The following GRM4 variants were observed in gnomAD, a reference collection of about 807,000 sequenced individuals.
GRM4 encodes metabotropic glutamate receptor 4.
Under a neutral mutation model 81.7 loss-of-function variants are expected in GRM4, and 28 were observed. The observed-to-expected ratio is 0.34, with a 90% confidence interval of 0.25 to 0.47. The LOEUF is 0.47. GRM4 is among the 20% of genes least tolerant of loss of function. GRM4 has a pLI of 1.00. For synonymous variants in GRM4, 488 were observed against 528.8 expected (o/e 0.92, Z 1.06); for missense variants, 948 against 1,290.0 (o/e 0.73, Z 4.06).
At chr6:34,024,689 G>A in intron 10 of GRM4, 1 of 455,932 alleles carries the variant, frequency 2.2e-6, no homozygotes, top group South Asian at 1.5e-5. Context: ...CCAGAGTTGG[G>A]TGGAGTCAGT....
intron 3 of GRM4, among the ~76,000 whole-genome samples, chr6:34,072,616 ACAT>A (rs1268834451): frequency 3.9e-4 from 2 of 5,180 alleles, no homozygotes; most frequent in Non-Finnish European, 1.7e-3. Context: ...ACACACACAC[ACAT>A]CACCGCATAG....
chr6:34,043,855 C>T (rs1432563670), intron 6 of GRM4, among the ~76,000 whole-genome samples: 3 of 152,160 alleles, frequency 2.0e-5, no homozygotes, highest in Non-Finnish European at 4.4e-5. Context: ...TGCTAGGCCT[C>T]GGGTGCTGCC....
chr6:34,064,081 T>G lies in GRM4; in HGVS notation c.737-2053A>C, dbSNP rs1766317062. Among the ~76,000 whole-genome samples, 1 of 152,080 alleles carries G rather than the reference T, an allele frequency of 6.6e-6. No homozygotes were observed. Among genetic ancestry groups the G allele is most frequent in the Non-Finnish European group, 1.5e-5 (1 of 68,026 alleles). On this transcript the variant is annotated intron_variant, in intron 3 of 10. Transcript: ENST00000538487. The surrounding 1 kb of genome is among the most constrained non-coding windows in gnomAD (Gnocchi z 4.4). ...TTCGTTTTGCTGGTGAAGGAAGGAT[T>G]AGGTGACCACGGCTCAGTCAGCGGG...
rs964317745 is a variant in GRM4 at position 34,019,992 on chromosome 6, G to T, written c.*2829C>A. On this transcript the variant is annotated 3_prime_UTR_variant, in exon 11 of 11. Coordinates refer to ENST00000538487, the MANE Select transcript of GRM4 (RefSeq NM_000841.4). Reference sequence around the variant, plus strand: ...CCCAACTGCTGCAGCAGGTCTAGCTGGCAAAAGTCTTGCTAGGGCCTGGTT... The same window carrying T: ...CCCAACTGCTGCAGCAGGTCTAGCTTGCAAAAGTCTTGCTAGGGCCTGGTT... 2 of 152,314 alleles carry T rather than the reference G, an allele frequency of 1.3e-5. No individual in the cohort carries two copies. The highest frequency in any genetic ancestry group is 4.8e-5 in the African/African-American group (2 of 41,426). The allele number at this position is 152,314 out of a possible 1,614,324, so 9.4% of individuals were successfully genotyped here.
chr6:34,144,162 CG>C lies in GRM4; in HGVS notation c.-364+1837del, dbSNP rs371544274. 2.5e-3 allele frequency among the ~76,000 whole-genome samples: 379 copies of C among 152,318 alleles called. 2 individuals are homozygous for C. Among genetic ancestry groups the C allele is most frequent in the African/African-American group, 8.6e-3 (356 of 41,576 alleles). On this transcript the variant is annotated intron_variant, in intron 1 of 10. Coordinates refer to ENST00000538487, the MANE Select transcript of GRM4 (RefSeq NM_000841.4). Reference sequence around the variant, plus strand: ...TAGGGGCAGGGGGCGCTCGTACGTTCGGGCCTCAGGACTCCCTGCCGCCGCC... The same window carrying C: ...TAGGGGCAGGGGGCGCTCGTACGTTCGGCCTCAGGACTCCCTGCCGCCGCC...
chr6:34,132,846 G>A (rs1009431433), intron 2 of GRM4, 132 bp downstream of exon 2: 10 of 689,720 alleles, frequency 1.4e-5, no homozygotes, highest in Non-Finnish European at 2.4e-5. Flanking sequence ...CTGCTCTGAG[G>A]AAAAAACTGT....
chr6:34,065,718 G>T (rs1240327128), intron 3 of GRM4, among the ~76,000 whole-genome samples: 1 of 152,204 alleles, frequency 6.6e-6, no homozygotes, highest in African/African-American at 2.4e-5. Flanking sequence ...CCGGCCAGGG[G>T]CAGGAAGCCA....
chr6:34,054,640 A>G (rs1446612619), intron 6 of GRM4: 1 of 152,234 alleles, frequency 6.6e-6, no homozygotes, highest in African/African-American at 2.4e-5. Context: ...TGTCCCTCTC[A>G]AAGAGAAGAT....
chr6:34,148,874 G>A (rs547159516), upstream of GRM4, among the ~76,000 whole-genome samples: 3 of 152,304 alleles, frequency 2.0e-5, no homozygotes, highest in African/African-American at 7.2e-5. Flanking sequence ...GAGTAAGCAG[G>A]GAGTGATGCT....
intron 1 of GRM4, among the ~76,000 whole-genome samples, chr6:34,143,810 T>A (rs1406147844): frequency 6.6e-6 from 1 of 152,148 alleles, no homozygotes; most frequent in African/African-American, 2.4e-5. Flanking sequence ...GTGCTCCGTA[T>A]GGAGACCCTG....
chr6:34,058,752 G>C (rs1766026788), intron 5 of GRM4, among the ~76,000 whole-genome samples: 1 of 152,224 alleles, frequency 6.6e-6, no homozygotes, highest in Non-Finnish European at 1.5e-5. Context: ...TGTCTGAGAA[G>C]AGAGGAGGGA....
chr6:34,106,207 G>A (rs966928628), intron 2 of GRM4, among the ~76,000 whole-genome samples: 4 of 152,118 alleles, frequency 2.6e-5, no homozygotes, highest in South Asian at 4.1e-4. Context: ...CTGAGGTTAG[G>A]AGTTTGAGAC....
At chr6:34,128,002 G>A (rs553391318) in intron 2 of GRM4, among the ~76,000 whole-genome samples, 1 of 152,322 alleles carries the variant, frequency 6.6e-6, no homozygotes, top group Non-Finnish European at 1.5e-5. Flanking sequence ...ATGGGACGAG[G>A]GGAGGGAACT....
At position 34,078,670 on chromosome 6, in the gene GRM4, G is replaced by A. The variant is rs144246784; in HGVS notation, c.736+13213C>T. On this transcript the variant is annotated intron_variant, in intron 3 of 10. Coordinates refer to ENST00000538487, the MANE Select transcript of GRM4 (RefSeq NM_000841.4). This position sits in a 1 kb window ranked among gnomAD's most constrained non-coding sequence, Gnocchi z 4.8. ...ACTGTCCCCTGTCCCGCACCCCTCC[G>A]CAGCCCCTACTGCGTGGCCCTCTGT... 2.3e-3 allele frequency among the ~76,000 whole-genome samples: 355 copies of A among 152,026 alleles called. 2 individuals are homozygous for A. The Middle Eastern group carries it at 0.024, about 10-fold the overall frequency.
intron 1 of GRM4, among the ~76,000 whole-genome samples, 181 bp from the exon 2 acceptor site, chr6:34,134,040 G>C (rs921930128): frequency 9.2e-5 from 14 of 152,188 alleles, no homozygotes; most frequent in African/African-American, 3.4e-4. Context: ...AAATGGGAGA[G>C]TGTATGGCAG....
chr6:34,056,298 C>A, intron 6 of GRM4: 1 of 533,848 alleles, frequency 1.9e-6, no homozygotes, highest in Non-Finnish European at 3.4e-6. Context: ...CACATCAACC[C>A]CGAGGCGGCC....
Position 34,080,867 on chromosome 6 carries a change from CATAT to C in GRM4, c.736+11012_736+11015del, listed in dbSNP as rs57493257. ...ACACATACACACACACATACACATA[CATAT>C]ACACACACACACACACACAACCCTT... On this transcript the variant is annotated intron_variant, in intron 3 of 10. Transcript: ENST00000538487. This position sits in a 1 kb window ranked among gnomAD's most constrained non-coding sequence, Gnocchi z 5.4. 0.2 allele frequency among the ~76,000 whole-genome samples: 24,920 copies of C among 121,916 alleles called. 2,642 individuals are homozygous for C. Among genetic ancestry groups the C allele is most frequent in the African/African-American group, 0.34 (12,100 of 35,140 alleles). 80.0% of individuals were successfully genotyped at this position (121,916 alleles called of 152,430 possible). A position where few individuals can be genotyped will look rare whatever the true frequency, so the allele number is the denominator to read the frequency against.
At chr6:34,073,872 C>T (rs569951904) in intron 3 of GRM4, among the ~76,000 whole-genome samples, 1 of 152,360 alleles carries the variant, frequency 6.6e-6, no homozygotes, top group African/African-American at 2.4e-5. Flanking sequence ...GGCCCAGCCA[C>T]ACCTCAGCAC....
intron 2 of GRM4, among the ~76,000 whole-genome samples, chr6:34,119,745 G>A (rs970420300): frequency 5.3e-5 from 8 of 152,220 alleles, no homozygotes; most frequent in Non-Finnish European, 1.0e-4. Context: ...GCACTACGCA[G>A]CCACACAAAG....
Sources: allele counts gnomAD v4.1 joint callset (sites outside exome capture counted in the v4.1 genomes callset), GRCh38; gene constraint gnomAD v4.1.1; non-coding constraint Gnocchi (gnomAD v3.1); transcripts MANE v1.5; gene names NCBI Gene and HGNC (gene_info 2026-07-23, HGNC 2026-07-21).